ARL3: variants seen among roughly 807,000 people sequenced by gnomAD.
ARL3 encodes ADP-ribosylation factor-like protein 3.
In ARL3, 9 loss-of-function variants were observed where a neutral mutation model predicts 26.0. The ratio of observed to expected loss-of-function variants is 0.35; its 90% CI spans 0.21 to 0.60. ARL3 has a LOEUF of 0.60. ARL3 is among the 20% of genes least tolerant of loss of function. The pLI, the probability that ARL3 is intolerant of heterozygous loss-of-function variation, is 0.78. For missense variants in ARL3, 158 were observed against 215.7 expected (o/e 0.73, Z 1.67); for synonymous variants, 71 against 78.4 (o/e 0.91, Z 0.50).
chr10:102,694,709 TA>T (rs1298612627), intron 3 of ARL3, among the ~76,000 whole-genome samples: 1 of 152,162 alleles, frequency 6.6e-6, no homozygotes, highest in Non-Finnish European at 1.5e-5. Flanking sequence ...ACTCTTTCTC[TA>T]ATGTATGCTG....
intron 5 of ARL3, among the ~76,000 whole-genome samples, chr10:102,683,438 A>G (rs2064166266): frequency 6.6e-6 from 1 of 152,204 alleles, no homozygotes; most frequent in Admixed American, 6.5e-5. Context: ...TCTATACACC[A>G]TGGTACTATC....
At chr10:102,694,148 C>T (rs78020516) in intron 3 of ARL3, among the ~76,000 whole-genome samples, 1,675 of 152,168 alleles carry the variant, frequency 0.011, 18 homozygotes, top group Middle Eastern at 0.02. Flanking sequence ...CCACCGCGCC[C>T]GGCTAATTTT....
Position 102,676,818 on chromosome 10 carries a change from TCAG to T in ARL3, c.*73_*75del. 1 of 1,483,146 alleles carries T rather than the reference TCAG, an allele frequency of 6.7e-7. No homozygotes were observed. Among genetic ancestry groups the T allele is most frequent in the Non-Finnish European group, 9.4e-7 (1 of 1,067,440 alleles). 91.9% of individuals were successfully genotyped at this position (1,483,146 alleles called of 1,614,324 possible). A position where few individuals can be genotyped will look rare whatever the true frequency, so the allele number is the denominator to read the frequency against. On this transcript the variant is annotated 3_prime_UTR_variant, in exon 6 of 6. Transcript: ENST00000260746. ...TGTACACAGATGGAAAAACATTTGG[TCAG>T]AAAGCAGCAAATTAGTGTTTTTCAG...
chr10:102,694,863 T>C (rs2064238850), intron 3 of ARL3, among the ~76,000 whole-genome samples: 1 of 152,122 alleles, frequency 6.6e-6, no homozygotes, highest in Non-Finnish European at 1.5e-5. Context: ...GGATTACAGG[T>C]GCCTGCCACT....
intron 3 of ARL3, among the ~76,000 whole-genome samples, chr10:102,698,864 C>G (rs2064263836): frequency 6.6e-6 from 1 of 152,226 alleles, no homozygotes; most frequent in Non-Finnish European, 1.5e-5. Flanking sequence ...CCATCTTGCT[C>G]TTGGCTCAGC....
At chr10:102,700,470 T>A (rs1041214233) in intron 2 of ARL3, among the ~76,000 whole-genome samples, 1 of 149,140 alleles carries the variant, frequency 6.7e-6, no homozygotes, top group Non-Finnish European at 1.5e-5. Flanking sequence ...AAGGAAGTCT[T>A]CATTTTTTTT....
In ARL3 at chr10:102,676,293, G is replaced by A. The variant is rs1009965265; in HGVS notation, c.*601C>T. On this transcript the variant is annotated 3_prime_UTR_variant, in exon 6 of 6. Coordinates refer to ENST00000260746, the MANE Select transcript of ARL3 (RefSeq NM_004311.4). ...TTTTTTTTTCTGTCCAAAGAGTGAG[G>A]ATTACATACGTAGTCTCCGACCTGC... is the stretch of plus-strand genomic sequence containing the variant. 1 of 151,688 alleles carries A rather than the reference G, an allele frequency of 6.6e-6. No homozygotes were observed. Among genetic ancestry groups the A allele is most frequent in the African/African-American group, 2.4e-5 (1 of 41,140 alleles). The allele number at this position is 151,688 out of a possible 1,614,324, so 9.4% of individuals were successfully genotyped here. A position where few individuals can be genotyped will look rare whatever the true frequency, so the allele number is the denominator to read the frequency against.
intron 1 of ARL3, among the ~76,000 whole-genome samples, chr10:102,712,218 T>A (rs4919669): frequency 0.098 from 14,869 of 152,004 alleles, 1,222 homozygotes; most frequent in East Asian, 0.42. Context: ...TGAAAAAAAA[T>A]ATGTATTTGT....
chr10:102,710,920 A>G (rs990787003), intron 1 of ARL3, among the ~76,000 whole-genome samples: 28 of 152,224 alleles, frequency 1.8e-4, no homozygotes, highest in African/African-American at 6.8e-4. Flanking sequence ...AATACAAACT[A>G]GGTCATTCAA....
intron 1 of ARL3, among the ~76,000 whole-genome samples, chr10:102,710,046 T>A (rs1238179178): frequency 1.3e-5 from 2 of 151,820 alleles, no homozygotes; most frequent in Non-Finnish European, 2.9e-5. Context: ...AAAAAAAAAA[T>A]TCTAACTATA....
intron 1 of ARL3, 144 bp downstream of exon 1, chr10:102,714,129 C>T (rs2064366455): frequency 9.2e-7 from 1 of 1,085,600 alleles, no homozygotes; most frequent in East Asian, 2.9e-5. Context: ...CCCGCCGACC[C>T]CCGAAATCAG....
At chr10:102,686,341 G>A (rs1420339510) in intron 4 of ARL3, among the ~76,000 whole-genome samples, 1 of 151,632 alleles carries the variant, frequency 6.6e-6, no homozygotes, top group Non-Finnish European at 1.5e-5. Flanking sequence ...CAAAGTGCTG[G>A]GATTACAGGC....
intron 2 of ARL3, among the ~76,000 whole-genome samples, chr10:102,701,429 G>A (rs754701256): frequency 5.9e-5 from 9 of 152,144 alleles, no homozygotes; most frequent in Non-Finnish European, 1.0e-4. Context: ...TTTCCACTGC[G>A]GATACACAGT....
intron 1 of ARL3, among the ~76,000 whole-genome samples, chr10:102,705,870 T>C (rs1253144808): frequency 1.3e-5 from 2 of 152,110 alleles, no homozygotes; most frequent in African/African-American, 4.8e-5. Flanking sequence ...TTTACTAAAG[T>C]TTCTCGTGGT....
chr10:102,707,266 C>A (rs2064314923), intron 1 of ARL3, among the ~76,000 whole-genome samples: 1 of 151,526 alleles, frequency 6.6e-6, no homozygotes, highest in Non-Finnish European at 1.5e-5. Context: ...CCACTGCACT[C>A]CAGCCTGGGT....
intron 1 of ARL3, among the ~76,000 whole-genome samples, chr10:102,709,346 A>T (rs1310415197): frequency 6.6e-6 from 1 of 151,820 alleles, no homozygotes; most frequent in Non-Finnish European, 1.5e-5. Flanking sequence ...TAAAGAATTA[A>T]GAGAAAAACA....
At chr10:102,704,801 A>G (rs1250604265) in intron 2 of ARL3, among the ~76,000 whole-genome samples, 2 of 152,120 alleles carry the variant, frequency 1.3e-5, no homozygotes, top group African/African-American at 4.8e-5. Flanking sequence ...TGCTGAGGAC[A>G]TGTGCGGGTG....
chr10:102,685,249 CAAAAAA>C (rs66482677), intron 5 of ARL3, among the ~76,000 whole-genome samples: 1 of 105,446 alleles, frequency 9.5e-6, no homozygotes. Flanking sequence ...AACTCCGTCT[CAAAAAA>C]AAAAAAAAAA....
At chr10:102,710,313 G>T (rs1218922321) in intron 1 of ARL3, among the ~76,000 whole-genome samples, 1 of 152,166 alleles carries the variant, frequency 6.6e-6, no homozygotes. Context: ...GATTATCAGG[G>T]TTTGCTAAAT....
Sources: gnomAD v4.1 joint callset for allele counts (sites outside exome capture counted in the v4.1 genomes callset) on GRCh38, gnomAD v4.1.1 for gene constraint, MANE v1.5 for transcripts, NCBI Gene and HGNC (gene_info 2026-07-23, HGNC 2026-07-21) for gene names.